IAH1: variants seen among roughly 807,000 people sequenced by gnomAD.
The protein encoded by IAH1 is isoamyl acetate-hydrolyzing esterase 1 homolog.
IAH1 carries 24 observed loss-of-function variants against 26.7 expected under a neutral mutation model. The ratio of observed to expected loss-of-function variants is 0.90; its 90% CI spans 0.65 to 1.26. The LOEUF is 1.26. IAH1 is among the 50% of genes most tolerant of loss of function. IAH1 has a pLI of 0.00. For missense variants in IAH1, 300 were observed against 299.9 expected (o/e 1.00, Z 0.00); for synonymous variants, 140 against 118.5 (o/e 1.18, Z -1.18).
chr2:9,474,668 G>A lies in IAH1; in HGVS notation c.81+21G>A, dbSNP rs1464187066. 3.9e-6 allele frequency: 6 copies of A among 1,521,708 alleles called. No individual in the cohort carries two copies. Among genetic ancestry groups the A allele is most frequent in the Non-Finnish European group, 4.4e-6 (5 of 1,134,368 alleles). 94.3% of individuals were successfully genotyped at this position (1,521,708 alleles called of 1,614,324 possible). ...CCCAGGTACGGCCGCCCCGACGCTC[G>A]GCCTCCCGCCCCGGCCTCCCTGCGG... On this transcript the variant is annotated intron_variant, in intron 1 of 5. Transcript: ENST00000497473. The surrounding 1 kb of genome is among the most constrained non-coding windows in gnomAD (Gnocchi z 4.3).
At chr2:9,493,096 C>G, downstream of IAH1, 1 of 838,614 alleles carries the variant, frequency 1.2e-6, no homozygotes. Context: ...GCTGGCTAGA[C>G]ATACTACCGA....
At chr2:9,494,494 A>C (rs189980707), downstream of IAH1, 1 of 938,186 alleles carries the variant, frequency 1.1e-6, no homozygotes, top group East Asian at 2.8e-5. Context: ...TTCTCCTCCT[A>C]AGTAATACCC....
the IAH1 span, chr2:9,502,134 T>C: frequency 6.5e-7 from 1 of 1,538,538 alleles, no homozygotes; most frequent in Non-Finnish European, 9.0e-7. Context: ...CACACACACT[T>C]GACCCACAGC....
downstream of IAH1, among the ~76,000 whole-genome samples, chr2:9,500,459 T>A (rs921321469): frequency 6.6e-6 from 1 of 152,194 alleles, no homozygotes; most frequent in Non-Finnish European, 1.5e-5. Context: ...TCTGGAGTAA[T>A]GTAAATGTTC....
chr2:9,479,032 C>T (rs1375421859), intron 3 of IAH1, among the ~76,000 whole-genome samples: 3 of 152,132 alleles, frequency 2.0e-5, no homozygotes, highest in South Asian at 4.1e-4. Flanking sequence ...CTGCTATTCA[C>T]GGGCACACCG....
At chr2:9,495,386 C>A (rs1340305159) in intron 6 of IAH1, among the ~76,000 whole-genome samples, 1 of 152,240 alleles carries the variant, frequency 6.6e-6, no homozygotes. Flanking sequence ...AAAAAGAAAT[C>A]AACTAGAACA....
downstream of IAH1, chr2:9,490,046 G>A (rs779832226): frequency 4.1e-5 from 34 of 831,224 alleles, no homozygotes; most frequent in Admixed American, 1.4e-4. Context: ...TTACCTGCAG[G>A]AAGTTCAAAC....
At chr2:9,480,304 A>G (rs1171918475) in intron 3 of IAH1, among the ~76,000 whole-genome samples, 1 of 152,062 alleles carries the variant, frequency 6.6e-6, no homozygotes, top group East Asian at 1.9e-4. Context: ...GGAGTTTGAG[A>G]CCAGCCTGGG....
Position 9,488,424 on chromosome 2 carries a change from C to A in IAH1, c.*95C>A. 1.1e-6 allele frequency: 1 copy of A among 885,050 alleles called. No individual in the cohort carries two copies. Among genetic ancestry groups the A allele is most frequent in the Non-Finnish European group, 1.7e-6 (1 of 593,522 alleles). The allele number at this position is 885,050 out of a possible 1,614,324, so 54.8% of individuals were successfully genotyped here. A position where few individuals can be genotyped will look rare whatever the true frequency, so the allele number is the denominator to read the frequency against. The stretch of plus-strand genomic sequence containing the variant: ...TTTTTTCCTCAGGCTTAAACCTTTG[C>A]CACTGATATTAATAATAAAAGTATT... On this transcript the variant is annotated 3_prime_UTR_variant, in exon 6 of 6. Coordinates refer to ENST00000497473, the MANE Select transcript of IAH1 (RefSeq NM_001039613.3).
chr2:9,474,869 C>A lies in IAH1; in HGVS notation c.81+222C>A. Reference sequence around the variant, plus strand: ...ACGACGGCGTCCGCGAGAGCCCGGGCTCCAGGCACAGACGCGAGGGGACCC... The same window carrying A: ...ACGACGGCGTCCGCGAGAGCCCGGGATCCAGGCACAGACGCGAGGGGACCC... On this transcript the variant is annotated intron_variant, in intron 1 of 5. Transcript: ENST00000497473. The surrounding 1 kb of genome is among the most constrained non-coding windows in gnomAD (Gnocchi z 4.3). 1 of 537,720 alleles carries A rather than the reference C, an allele frequency of 1.9e-6. No homozygotes were observed. Among genetic ancestry groups the A allele is most frequent in the Non-Finnish European group, 2.8e-6 (1 of 359,572 alleles). The allele number at this position is 537,720 out of a possible 1,614,324, so 33.3% of individuals were successfully genotyped here.
At chr2:9,475,812 C>G in intron 1 of IAH1, 175 bp from the exon 2 acceptor site, 1 of 624,420 alleles carries the variant, frequency 1.6e-6, no homozygotes, top group Admixed American at 2.8e-5. Context: ...AAATCCCCCT[C>G]TGCTAAAGTG....
intron 1 of IAH1, chr2:9,475,238 G>A: frequency 7.8e-7 from 1 of 1,277,468 alleles, no homozygotes; most frequent in South Asian, 1.2e-5. Flanking sequence ...CGGGGAGGGA[G>A]TAGAAATTCC....
At chr2:9,474,124 C>T (rs1682324988), upstream of IAH1, among the ~76,000 whole-genome samples, 1 of 152,170 alleles carries the variant, frequency 6.6e-6, no homozygotes, top group South Asian at 2.1e-4. The surrounding 1 kb of genome is among the most constrained non-coding windows in gnomAD (Gnocchi z 4.3). Flanking sequence ...GTGGGTGTTA[C>T]AGGCCCTCCA....
At position 9,488,572 on chromosome 2, in the gene IAH1, CAA is replaced by C. The variant is rs942024326; in HGVS notation, c.*245_*246del. ...AGCAGCTTGTTAATTCTATAAATGA[CAA>C]AGACTATGTTTTTAAAAAGTCACAA... is the stretch of plus-strand genomic sequence containing the variant. On this transcript the variant is annotated 3_prime_UTR_variant, in exon 6 of 6. Coordinates refer to ENST00000497473, the MANE Select transcript of IAH1 (RefSeq NM_001039613.3). The C allele has an allele frequency of 3.6e-5, 12 of 336,954 alleles. No homozygotes were observed. Among genetic ancestry groups the C allele is most frequent in the African/African-American group, 1.1e-4 (5 of 47,226 alleles). The allele number at this position is 336,954 out of a possible 1,614,324, so 20.9% of individuals were successfully genotyped here. A position where few individuals can be genotyped will look rare whatever the true frequency, so the allele number is the denominator to read the frequency against.
the IAH1 span, among the ~76,000 whole-genome samples, chr2:9,508,427 T>G: frequency 6.6e-6 from 1 of 152,214 alleles, no homozygotes; most frequent in East Asian, 1.9e-4. Flanking sequence ...AACAACTTTA[T>G]TAAGACATAT....
downstream of IAH1, chr2:9,491,162 A>G (rs1261239851): frequency 1.2e-6 from 2 of 1,611,696 alleles, no homozygotes; most frequent in Non-Finnish European, 1.7e-6. Flanking sequence ...CTAGAAAGAA[A>G]CAGCAAGAAG....
chr2:9,506,359 GT>G, the IAH1 span, among the ~76,000 whole-genome samples: 1,973 of 73,238 alleles, frequency 0.027, 18 homozygotes, highest in African/African-American at 0.058. Flanking sequence ...CTTCAAATCT[GT>G]TTTTTTTTTT....
downstream of IAH1, chr2:9,492,808 GA>G: frequency 8.7e-7 from 1 of 1,150,508 alleles, no homozygotes; most frequent in Non-Finnish European, 1.2e-6. Flanking sequence ...ACTTTGCTAA[GA>G]ACAAGTTTTA....
downstream of IAH1, among the ~76,000 whole-genome samples, chr2:9,490,728 A>T (rs749122655): frequency 1.3e-5 from 2 of 152,218 alleles, no homozygotes; most frequent in Non-Finnish European, 2.9e-5. Context: ...AATGGCAAAA[A>T]CAGTAATTAC....
Sources: gnomAD v4.1 joint callset for allele counts (sites outside exome capture counted in the v4.1 genomes callset) on GRCh38, gnomAD v4.1.1 for gene constraint, Gnocchi (gnomAD v3.1) non-coding constraint, MANE v1.5 for transcripts, NCBI Gene and HGNC (gene_info 2026-07-23, HGNC 2026-07-21) for gene names.